The following ABCA13 variants were observed in gnomAD, a reference collection of about 807,000 sequenced individuals.
The protein encoded by ABCA13 is ATP binding cassette subfamily A member 13, also known as ATP-binding cassette sub-family A member 13.
A neutral mutation model predicts 478.7 loss-of-function variants in ABCA13; 476 were observed. The observed-to-expected ratio is 0.99, with a 90% CI of 0.92 to 1.07. ABCA13 has a LOEUF of 1.07. Among genes scored for constraint, ABCA13 ranks in the 50% least tolerant of loss-of-function variants. The pLI, the probability that ABCA13 is intolerant of heterozygous loss-of-function variation, is 0.00. For synonymous variants in ABCA13, 2,252 were observed against 2,158.9 expected, an observed-to-expected ratio of 1.04 and a Z score of -1.20; for missense variants, 6,060 against 5,910.6, an observed-to-expected ratio of 1.03 and a Z score of -0.83.
chr7:48,310,694 G>A (rs1235227282), intron 24 of ABCA13, among the ~76,000 whole-genome samples: 2 of 152,116 alleles, frequency 1.3e-5, no homozygotes, highest in Non-Finnish European at 2.9e-5. Flanking sequence ...TGACAAGCAT[G>A]ATCCTCTGAC....
rs1165804382 is a variant in ABCA13 at position 48,278,596 on chromosome 7, A to C, written c.7402A>C (p.Asn2468His). The C allele has an allele frequency of 3.1e-6, 5 of 1,613,926 alleles. No homozygotes were observed. The highest frequency in any genetic ancestry group is 1.6e-4 in the Middle Eastern group (1 of 6,062). Residue 2468 changes from asparagine to histidine, a missense_variant, in exon 18 of 62, where the codon AAC (asparagine) becomes CAC (histidine). By Grantham distance (68) the Asn-to-His change is moderately conservative. Transcript: ENST00000435803. ...TATAAATAATTCATTCCCTCTAAGA[A>C]ACAGAGCAACATTAGAAATTACTAA... ...FFINNSFPLR[N>H]RATLEITKRL... is the part of the protein sequence containing the mutation.
At chr7:48,323,135 A>T (rs972225988) in intron 27 of ABCA13, among the ~76,000 whole-genome samples, 3 of 152,168 alleles carry the variant, frequency 2.0e-5, no homozygotes, top group Non-Finnish European at 4.4e-5. Context: ...GGCGATTATC[A>T]GTGGAGCTCT....
intron 1 of ABCA13, among the ~76,000 whole-genome samples, chr7:48,189,088 C>T (rs1044459620): frequency 1.3e-5 from 2 of 152,126 alleles, no homozygotes; most frequent in Non-Finnish European, 2.9e-5. Context: ...GCATCTGTGC[C>T]AGCGCATTTG....
chr7:48,628,161 G>A lies in ABCA13; in HGVS notation c.14837+12784G>A, dbSNP rs116515358. Among the ~76,000 whole-genome samples, 331 of 152,218 alleles carry A rather than the reference G, an allele frequency of 2.2e-3. 1 individual carries two copies. Among genetic ancestry groups the A allele is most frequent in the African/African-American group, 7.9e-3 (327 of 41,530 alleles). On this transcript the variant is annotated intron_variant, in intron 59 of 61. Transcript: ENST00000435803. Reference sequence around the variant, plus strand: ...AGTTCCTTCAGTTCTCTGCTCTACTGTCCCCTCTTCAGAGAGGTCTCCAGC... The same window carrying A: ...AGTTCCTTCAGTTCTCTGCTCTACTATCCCCTCTTCAGAGAGGTCTCCAGC...
chr7:48,379,448 G>T (rs1227156075), intron 35 of ABCA13, among the ~76,000 whole-genome samples: 1 of 151,608 alleles, frequency 6.6e-6, no homozygotes, highest in Non-Finnish European at 1.5e-5. Context: ...CTGCATATGA[G>T]TCTTAAAATT....
At chr7:48,467,980 A>G (rs1040722030) in intron 44 of ABCA13, among the ~76,000 whole-genome samples, 5 of 152,188 alleles carry the variant, frequency 3.3e-5, no homozygotes, top group Admixed American at 2.0e-4. Context: ...TAAAACTTCA[A>G]TGGTAATGTT....
intron 55 of ABCA13, among the ~76,000 whole-genome samples, chr7:48,573,503 C>G (rs1452095559): frequency 1.3e-5 from 2 of 151,968 alleles, no homozygotes; most frequent in East Asian, 3.9e-4. Context: ...TGAGACCAGC[C>G]TGGGCAACAT....
chr7:48,600,159 A>G (rs1189036398), intron 58 of ABCA13, among the ~76,000 whole-genome samples: 1 of 152,132 alleles, frequency 6.6e-6, no homozygotes, highest in Non-Finnish European at 1.5e-5. Flanking sequence ...CTTTCTTATC[A>G]TTATGAAATG....
chr7:48,263,831 ATGCAATG>A (rs1246304803), intron 15 of ABCA13, among the ~76,000 whole-genome samples: 1 of 151,920 alleles, frequency 6.6e-6, no homozygotes, highest in Non-Finnish European at 1.5e-5. Context: ...TCATACAGGC[ATGCAATG>A]TGTAGTAATC....
At chr7:48,322,767 G>A (rs17132231) in intron 27 of ABCA13, among the ~76,000 whole-genome samples, 1,660 of 151,792 alleles carry the variant, frequency 0.011, 26 homozygotes, top group African/African-American at 0.038. Context: ...GCTTTTTTTC[G>A]GTCGACAGCT....
In ABCA13 at chr7:48,471,527, T is replaced by A; in HGVS notation, c.12906-3T>A. 6.4e-7 allele frequency: 1 copy of A among 1,554,734 alleles called. No homozygotes were observed. Among genetic ancestry groups the A allele is most frequent in the South Asian group, 1.2e-5 (1 of 84,336 alleles). ...CATTCCAATTCTCTCCTTTGTTTTT[T>A]AGGAAGAATTCTTCATGCTGGCGCA... On this transcript the variant is annotated splice_region_variant and splice_polypyrimidine_tract_variant and intron_variant, in intron 44 of 61. Coordinates refer to ENST00000435803, the MANE Select transcript of ABCA13 (RefSeq NM_152701.5).
At chr7:48,615,957 G>T (rs1792529977) in intron 59 of ABCA13, among the ~76,000 whole-genome samples, 1 of 151,256 alleles carries the variant, frequency 6.6e-6, no homozygotes. Context: ...TTCCTTTTTG[G>T]AATCTTAATA....
At chr7:48,516,919 C>T (rs754689722) in intron 52 of ABCA13, 38 bp downstream of exon 52, 8 of 1,592,480 alleles carry the variant, frequency 5.0e-6, no homozygotes, top group South Asian at 1.1e-5. Context: ...CACTTCTGCA[C>T]CTCTAGTGCA....
intron 20 of ABCA13, among the ~76,000 whole-genome samples, chr7:48,291,015 G>C (rs1037803925): frequency 5.9e-5 from 9 of 151,324 alleles, no homozygotes; most frequent in African/African-American, 2.2e-4. Flanking sequence ...GGGCTTCTGT[G>C]CATGTTATTA....
chr7:48,177,070 C>T (rs36192908), intron 1 of ABCA13, among the ~76,000 whole-genome samples: 58,991 of 151,928 alleles, frequency 0.39, 13,186 homozygotes, highest in Non-Finnish European at 0.51. Context: ...AACACTAATC[C>T]TGCTAGCTAC....
rs1795859090 is a variant in ABCA13, at chr7:48,273,216, G to C, written c.3550G>C (p.Asp1184His). ...TCATCATGGTTTCACTCAGCTTTTG[G>C]ATGAATTGGAAGATGATGTGAAAGT... ...SLHHGFTQLL[D>H]ELEDDVKVSK... The change falls in exon 17 of 62, where the codon GAT (aspartate) becomes CAT (histidine). Residue 1184 changes from aspartate (D) to histidine (H), a missense_variant. By Grantham distance (81) the Asp-to-His change is moderately conservative. Around this residue, in one of 3 missense-constraint regions of ABCA13, gnomAD observed 4,423 missense variants for 4,309.1 expected, o/e 1.03. Coordinates refer to ENST00000435803, the MANE Select transcript of ABCA13 (RefSeq NM_152701.5). The C allele has an allele frequency of 6.2e-7, 1 of 1,613,644 alleles. No individual in the cohort carries two copies. The highest frequency in any genetic ancestry group is 8.5e-7 in the Non-Finnish European group (1 of 1,179,728).
At chr7:48,572,963 A>G (rs1787820382) in intron 55 of ABCA13, among the ~76,000 whole-genome samples, 2 of 152,112 alleles carry the variant, frequency 1.3e-5, no homozygotes, top group Admixed American at 6.6e-5. Flanking sequence ...TTATGTTTTA[A>G]GGGATTTTTC....
intron 43 of ABCA13, among the ~76,000 whole-genome samples, chr7:48,461,306 G>A (rs970579241): frequency 1.3e-5 from 2 of 151,984 alleles, no homozygotes; most frequent in African/African-American, 2.4e-5. Context: ...TGCAAGGTCC[G>A]CCTTCACACC....
rs573022988 is a variant in ABCA13, at chr7:48,285,690, T to C, written c.8837-2270T>C. Reference sequence around the variant, plus strand: ...TGATGCCATACATTACATCAGCTTTTTCAGGGTGCATTCTCTGCTCTTTTA... The same window carrying C: ...TGATGCCATACATTACATCAGCTTTCTCAGGGTGCATTCTCTGCTCTTTTA... On this transcript the variant is annotated intron_variant, in intron 19 of 61. Transcript: ENST00000435803. Among the ~76,000 whole-genome samples the C allele has an allele frequency of 1.5e-4, 23 of 152,342 alleles. No homozygotes were observed. In the South Asian group the frequency reaches 4.8e-3, roughly 32 times the overall value.
Sources: gnomAD v4.1 joint callset for allele counts (sites outside exome capture counted in the v4.1 genomes callset) on GRCh38, gnomAD v4.1.1 for gene constraint, gnomAD v4.1.1 regional missense constraint, MANE v1.5 for transcripts, NCBI Gene and HGNC (gene_info 2026-07-23, HGNC 2026-07-21) for gene names.